TFAP2D: variants seen among roughly 807,000 people sequenced by gnomAD.
TFAP2D encodes transcription factor AP-2 delta, also known as transcription factor AP-2-delta.
TFAP2D carries 9 observed loss-of-function variants against 43.6 expected under a neutral mutation model. The observed-to-expected ratio is 0.21, with a 90% CI of 0.12 to 0.36. The LOEUF (loss-of-function observed/expected upper bound fraction) is 0.36. TFAP2D is among the 10% of genes least tolerant of loss of function. The pLI, the probability that TFAP2D is intolerant of heterozygous loss-of-function variation, is 1.00. For missense variants in TFAP2D, 513 were observed against 561.4 expected (o/e 0.91, Z 0.87); for synonymous variants, 256 against 224.9 (o/e 1.14, Z -1.24).
chr6:50,719,160 A>G lies in TFAP2D; in HGVS notation c.598+10A>G. The G allele has an allele frequency of 1.2e-6, 2 of 1,613,218 alleles. No individual in the cohort carries two copies. Among genetic ancestry groups the G allele is most frequent in the Non-Finnish European group, 1.7e-6 (2 of 1,179,392 alleles). Reference sequence around the variant, plus strand: ...GGAGTGATAAGAAGAGGTAAGTAACAAGTAACAACATGTTAACCCTAGACA... The same window carrying G: ...GGAGTGATAAGAAGAGGTAAGTAACGAGTAACAACATGTTAACCCTAGACA... On this transcript the variant is annotated intron_variant, in intron 3 of 7. Coordinates refer to ENST00000008391, the MANE Select transcript of TFAP2D (RefSeq NM_172238.4).
chr6:50,756,425 C>T (rs918331300), intron 7 of TFAP2D, among the ~76,000 whole-genome samples: 1 of 152,024 alleles, frequency 6.6e-6, no homozygotes, highest in Non-Finnish European at 1.5e-5. Context: ...GTTAAACCTC[C>T]TTCCTAATGC....
At chr6:50,720,958 T>G (rs1174053224) in intron 3 of TFAP2D, among the ~76,000 whole-genome samples, 1 of 152,188 alleles carries the variant, frequency 6.6e-6, no homozygotes, top group Non-Finnish European at 1.5e-5. Flanking sequence ...AGGGTGGAAT[T>G]ACTTGAGGCC....
At chr6:50,769,489 A>G (rs1205508532) in intron 7 of TFAP2D, among the ~76,000 whole-genome samples, 2 of 152,246 alleles carry the variant, frequency 1.3e-5, no homozygotes, top group African/African-American at 2.4e-5. Context: ...TCAGTCAAGA[A>G]GTGATACCAG....
intron 7 of TFAP2D, among the ~76,000 whole-genome samples, chr6:50,770,765 G>A (rs1769515667): frequency 1.3e-5 from 2 of 152,072 alleles, no homozygotes; most frequent in Admixed American, 6.6e-5. Flanking sequence ...ACTATAGGTA[G>A]CTAAAATATT....
chr6:50,724,240 G>A (rs1252235173), intron 3 of TFAP2D, among the ~76,000 whole-genome samples: 1 of 151,856 alleles, frequency 6.6e-6, no homozygotes, highest in Non-Finnish European at 1.5e-5. Context: ...GAACAAACAG[G>A]GACAGGAAAC....
At position 50,734,134 on chromosome 6, in the gene TFAP2D, C is replaced by T. The variant is rs546640710; in HGVS notation, c.883+4822C>T. Reference sequence around the variant, plus strand: ...CTTTCTCAGTTTAAATCCTTAGTAACTGTTGCTCTTGTCTTTCATTTCAAA... The same window carrying T: ...CTTTCTCAGTTTAAATCCTTAGTAATTGTTGCTCTTGTCTTTCATTTCAAA... On this transcript the variant is annotated intron_variant, in intron 5 of 7. Transcript: ENST00000008391. Among the ~76,000 whole-genome samples, 25 of 152,008 alleles carry T rather than the reference C, an allele frequency of 1.6e-4. No individual in the cohort carries two copies. In the South Asian group the frequency reaches 4.8e-3, roughly 29 times the overall value.
intron 2 of TFAP2D, among the ~76,000 whole-genome samples, chr6:50,716,876 C>G (rs1768636232): frequency 6.6e-6 from 1 of 152,144 alleles, no homozygotes; most frequent in Non-Finnish European, 1.5e-5. Context: ...TACCTTTGAG[C>G]AAGAGATTAT....
chr6:50,724,437 C>G (rs1046221260), intron 3 of TFAP2D, among the ~76,000 whole-genome samples: 18 of 152,264 alleles, frequency 1.2e-4, no homozygotes, highest in African/African-American at 4.1e-4. Context: ...ATGTCAACAC[C>G]GACGCTACGA....
At chr6:50,743,376 T>TTTTGTTTTG (rs1299171462) in intron 5 of TFAP2D, among the ~76,000 whole-genome samples, 2 of 151,780 alleles carry the variant, frequency 1.3e-5, no homozygotes, top group Non-Finnish European at 2.9e-5. Flanking sequence ...TTTTGTTTTG[T>TTTTGTTTTG]TTTGTTTTGT....
intron 6 of TFAP2D, among the ~76,000 whole-genome samples, chr6:50,748,759 A>T (rs1769159885): frequency 6.6e-6 from 1 of 151,924 alleles, no homozygotes; most frequent in Non-Finnish European, 1.5e-5. Flanking sequence ...TATGTCTAAC[A>T]TTTGATCTGC....
At position 50,728,794 on chromosome 6, in the gene TFAP2D, C is replaced by T. The variant is rs185919987; in HGVS notation, c.599-62C>T. ...CAGAATAGTCTTTTGATGTTAACTG[C>T]CTCTCATGCAGTTAGCTTCTTTCAC... On this transcript the variant is annotated intron_variant, in intron 3 of 7. Transcript: ENST00000008391. 469 of 1,529,550 alleles carry T rather than the reference C, an allele frequency of 3.1e-4. 3 individuals are homozygous for T. Among genetic ancestry groups the T allele is most frequent in the Admixed American group, 7.7e-4 (44 of 57,080 alleles). 94.7% of individuals were successfully genotyped at this position (1,529,550 alleles called of 1,614,324 possible).
chr6:50,724,763 G>GGGGTGTGT (rs1768781688), intron 3 of TFAP2D, among the ~76,000 whole-genome samples: 1 of 150,750 alleles, frequency 6.6e-6, no homozygotes, highest in Admixed American at 6.6e-5. Context: ...ACGGTGGCGG[G>GGGGTGTGT]GTGTGTGTGT....
At chr6:50,734,033 G>A (rs1270573526) in intron 5 of TFAP2D, among the ~76,000 whole-genome samples, 1 of 151,240 alleles carries the variant, frequency 6.6e-6, no homozygotes, top group Non-Finnish European at 1.5e-5. Context: ...AACAGTGTGG[G>A]ACAATGGAGG....
At chr6:50,742,334 A>G (rs1018956752) in intron 5 of TFAP2D, among the ~76,000 whole-genome samples, 2 of 152,058 alleles carry the variant, frequency 1.3e-5, no homozygotes, top group African/African-American at 4.8e-5. Flanking sequence ...TCTGGCTGTC[A>G]GTGTAAATGT....
At chr6:50,756,527 G>A (rs1367003808) in intron 7 of TFAP2D, among the ~76,000 whole-genome samples, 1 of 152,032 alleles carries the variant, frequency 6.6e-6, no homozygotes, top group African/African-American at 2.4e-5. Context: ...TCCAGACAAA[G>A]CACAAATAAC....
chr6:50,736,346 T>C (rs1768962759), intron 5 of TFAP2D, among the ~76,000 whole-genome samples: 1 of 152,130 alleles, frequency 6.6e-6, no homozygotes, highest in African/African-American at 2.4e-5. Context: ...TTGGAGACAG[T>C]TTTGCATAGT....
intron 3 of TFAP2D, among the ~76,000 whole-genome samples, chr6:50,723,147 G>A (rs1397702803): frequency 6.6e-6 from 1 of 152,204 alleles, no homozygotes; most frequent in African/African-American, 2.4e-5. Context: ...AGGCATTTAC[G>A]CCGCGGTACA....
intron 7 of TFAP2D, among the ~76,000 whole-genome samples, chr6:50,767,667 T>C (rs1441406645): frequency 1.3e-5 from 2 of 152,186 alleles, no homozygotes; most frequent in Non-Finnish European, 2.9e-5. Context: ...TGTGAGTTTC[T>C]TTGAGTGGAA....
chr6:50,719,391 G>A (rs1340210936), intron 3 of TFAP2D, among the ~76,000 whole-genome samples: 1 of 151,506 alleles, frequency 6.6e-6, no homozygotes, highest in African/African-American at 2.4e-5. Flanking sequence ...GCTCCTCACA[G>A]AACAGTGACA....
Sources: gnomAD v4.1 joint callset for allele counts (sites outside exome capture counted in the v4.1 genomes callset) on GRCh38, gnomAD v4.1.1 for gene constraint, MANE v1.5 for transcripts, NCBI Gene and HGNC (gene_info 2026-07-23, HGNC 2026-07-21) for gene names.